CIMIP4: variants seen among roughly 807,000 people sequenced by gnomAD.
CIMIP4 encodes ciliary microtubule inner protein 4.
chr22:37,004,210 A>G, the CIMIP4 span, among the ~76,000 whole-genome samples: 1 of 151,808 alleles, frequency 6.6e-6, no homozygotes, highest in African/African-American at 2.4e-5. Flanking sequence ...CCATTCACTC[A>G]TCACCCCTGG....
At chr22:37,006,284 G>GC in the CIMIP4 span, among the ~76,000 whole-genome samples, 4 of 152,252 alleles carry the variant, frequency 2.6e-5, 1 homozygote, top group South Asian at 6.2e-4. Context: ...GAGAGTGGAT[G>GC]CAAGAGTCCA....
the CIMIP4 span, among the ~76,000 whole-genome samples, chr22:36,999,571 A>AGG: frequency 1.6e-3 from 7 of 4,510 alleles, no homozygotes; most frequent in Admixed American, 2.9e-3. Context: ...GGGAGGGGGG[A>AGG]GGGGAGGGGA....
At chr22:36,995,440 G>C in the CIMIP4 span, among the ~76,000 whole-genome samples, 2 of 152,144 alleles carry the variant, frequency 1.3e-5, no homozygotes, top group Non-Finnish European at 2.9e-5. Flanking sequence ...CTGGAGCCAC[G>C]GTGAGTTGGG....
chr22:36,992,610 T>C, the CIMIP4 span, among the ~76,000 whole-genome samples: 1 of 152,160 alleles, frequency 6.6e-6, no homozygotes, highest in Non-Finnish European at 1.5e-5. Flanking sequence ...CGGCTATGTA[T>C]TAATCATTGT....
chr22:36,999,832 G>T, the CIMIP4 span: 19 of 1,610,882 alleles, frequency 1.2e-5, no homozygotes, highest in African/African-American at 2.4e-4. Flanking sequence ...CTTGCCCTTT[G>T]ACTTGACCTC....
chr22:37,000,263 C>T, the CIMIP4 span, among the ~76,000 whole-genome samples: 22 of 152,014 alleles, frequency 1.4e-4, no homozygotes, highest in Admixed American at 4.6e-4. Flanking sequence ...AACATTGGGA[C>T]GGGGGGTCTC....
chr22:37,007,807 A>G, the CIMIP4 span: 1,865 of 152,436 alleles, frequency 0.012, 43 homozygotes, highest in African/African-American at 0.043. Context: ...GCAGATCCCC[A>G]CTGCAGAACT....
At chr22:37,007,398 T>C in the CIMIP4 span, 3 of 152,122 alleles carry the variant, frequency 2.0e-5, no homozygotes, top group Non-Finnish European at 2.9e-5. Context: ...TAAAATTAAA[T>C]TGCACATCTT....
chr22:36,998,301 A>T, the CIMIP4 span, among the ~76,000 whole-genome samples: 2 of 152,134 alleles, frequency 1.3e-5, no homozygotes, highest in Non-Finnish European at 2.9e-5. Context: ...CCCTGACACC[A>T]TCCCTTCTCC....
At chr22:37,007,432 G>C in the CIMIP4 span, 2 of 152,178 alleles carry the variant, frequency 1.3e-5, no homozygotes, top group Non-Finnish European at 1.5e-5. Flanking sequence ...GTTCAAGTTA[G>C]CTCCAAGTTT....
At chr22:36,993,865 A>G in the CIMIP4 span, among the ~76,000 whole-genome samples, 1 of 152,248 alleles carries the variant, frequency 6.6e-6, no homozygotes, top group Non-Finnish European at 1.5e-5. Context: ...GTTAAAAACC[A>G]GATGATGACA....
the CIMIP4 span, chr22:36,991,681 G>T: frequency 1.8e-6 from 2 of 1,086,944 alleles, no homozygotes; most frequent in Non-Finnish European, 2.8e-6. Flanking sequence ...TTCCTCTACG[G>T]ATGGTAAATT....
the CIMIP4 span, among the ~76,000 whole-genome samples, chr22:36,997,066 G>A: frequency 3.3e-5 from 5 of 152,204 alleles, no homozygotes; most frequent in Middle Eastern, 3.2e-3. Context: ...GAATGCCTGA[G>A]CTCGTCATCT....
the CIMIP4 span, among the ~76,000 whole-genome samples, chr22:37,002,586 G>A: frequency 2.0e-5 from 3 of 152,300 alleles, no homozygotes; most frequent in South Asian, 2.1e-4. Flanking sequence ...AAGGGCTGCC[G>A]CCTAAGCCTG....
chr22:37,002,127 G>A, the CIMIP4 span: 1 of 1,554,510 alleles, frequency 6.4e-7, no homozygotes, highest in Non-Finnish European at 8.7e-7. Context: ...TCCTTCAAGT[G>A]GCACTGCCCT....
chr22:37,000,631 C>T, the CIMIP4 span, among the ~76,000 whole-genome samples: 1 of 152,192 alleles, frequency 6.6e-6, no homozygotes, highest in African/African-American at 2.4e-5. Flanking sequence ...ACTGGATGGT[C>T]TTTGAAGTGG....
chr22:37,006,228 G>A, the CIMIP4 span, among the ~76,000 whole-genome samples: 1 of 152,144 alleles, frequency 6.6e-6, no homozygotes, highest in African/African-American at 2.4e-5. Context: ...AGTACAAAAT[G>A]AAAAGATACC....
At chr22:37,003,877 A>G in the CIMIP4 span, 2 of 1,368,446 alleles carry the variant, frequency 1.5e-6, no homozygotes, top group Non-Finnish European at 2.0e-6. Flanking sequence ...ACGGAGCGGG[A>G]GGAGAAAGGG....
chr22:36,996,623 G>A, the CIMIP4 span, among the ~76,000 whole-genome samples: 1 of 152,268 alleles, frequency 6.6e-6, no homozygotes, highest in Non-Finnish European at 1.5e-5. Flanking sequence ...TTGAGCTGTA[G>A]ATTCAATGTA....
Sources: allele counts gnomAD v4.1 joint callset (sites outside exome capture counted in the v4.1 genomes callset), GRCh38; gene constraint gnomAD v4.1.1; transcripts MANE v1.5; gene names NCBI Gene and HGNC (gene_info 2026-07-23, HGNC 2026-07-21).